Variants in SYT14 observed in about 807,000 individuals in gnomAD.
SYT14 encodes synaptotagmin 14, also known as synaptotagmin-14.
Under a neutral mutation model 74.2 loss-of-function variants are expected in SYT14, and 32 were observed. That is an observed-to-expected ratio of 0.43 (90% CI 0.33 to 0.58). The LOEUF (loss-of-function observed/expected upper bound fraction) is 0.58. Ranked by LOEUF, SYT14 falls within the 20% of genes least tolerant of loss-of-function variation. SYT14 has a pLI of 0.05. For synonymous variants in SYT14, 298 were observed against 337.7 expected (o/e 0.88, Z 1.29); for missense variants, 791 against 981.8 (o/e 0.81, Z 2.60).
rs185416251 is a variant in SYT14 at position 209,970,055 on chromosome 1, A to G, written c.-486+17299A>G. Among the ~76,000 whole-genome samples the G allele has an allele frequency of 9.2e-5, 14 of 152,236 alleles. No individual in the cohort carries two copies. The East Asian group carries it at 1.2e-3, about 13-fold the overall frequency. On this transcript the variant is annotated intron_variant, in intron 2 of 9. Transcript: ENST00000637265. Reference sequence around the variant, plus strand: ...TTGATTACTTCTTTTACTGTGCAGAAGCTTTTTAGTTGATGTAGTCCCATT... The same window carrying G: ...TTGATTACTTCTTTTACTGTGCAGAGGCTTTTTAGTTGATGTAGTCCCATT...
At chr1:210,022,196 C>T (rs2080317261) in intron 5 of SYT14, among the ~76,000 whole-genome samples, 1 of 151,956 alleles carries the variant, frequency 6.6e-6, no homozygotes, top group South Asian at 2.1e-4. Flanking sequence ...AAGTTTTATC[C>T]CAGCATGTAC....
intron 1 of SYT14, among the ~76,000 whole-genome samples, chr1:209,943,212 T>C (rs2078765322): frequency 6.6e-6 from 1 of 152,222 alleles, no homozygotes; most frequent in South Asian, 2.1e-4. Context: ...CACAGTGGTA[T>C]TTTATTTTTT....
At chr1:210,044,038 A>G (rs988688213) in intron 5 of SYT14, among the ~76,000 whole-genome samples, 10 of 152,240 alleles carry the variant, frequency 6.6e-5, no homozygotes, top group African/African-American at 2.2e-4. Context: ...TTCTTTAGGA[A>G]CTATCTTTTA....
chr1:209,942,663 C>T (rs2078754783), intron 1 of SYT14, among the ~76,000 whole-genome samples: 1 of 152,136 alleles, frequency 6.6e-6, no homozygotes, highest in Non-Finnish European at 1.5e-5. Flanking sequence ...CTTCATATTG[C>T]AAAATGCAAA....
At chr1:210,063,619 G>T (rs2081244898) in intron 5 of SYT14, among the ~76,000 whole-genome samples, 1 of 151,634 alleles carries the variant, frequency 6.6e-6, no homozygotes. Context: ...GTTTTTTGAT[G>T]CCCTTCCTTT....
chr1:209,983,076 T>G (rs2079515610), intron 2 of SYT14, among the ~76,000 whole-genome samples: 1 of 152,144 alleles, frequency 6.6e-6, no homozygotes, highest in Non-Finnish European at 1.5e-5. Flanking sequence ...TTAAGAGTTC[T>G]TTATATATTT....
intron 7 of SYT14, among the ~76,000 whole-genome samples, chr1:210,150,961 A>G (rs904509891): frequency 9.9e-5 from 15 of 152,216 alleles, no homozygotes; most frequent in African/African-American, 3.1e-4. Context: ...AGTAAATGTA[A>G]TGGCCACCTT....
At chr1:210,047,358 T>C (rs2080905029) in intron 5 of SYT14, among the ~76,000 whole-genome samples, 1 of 152,048 alleles carries the variant, frequency 6.6e-6, no homozygotes, top group African/African-American at 2.4e-5. Context: ...TTTTTCATTA[T>C]TTATCCTTTT....
intron 5 of SYT14, among the ~76,000 whole-genome samples, chr1:210,085,615 C>T (rs2081711425): frequency 1.3e-5 from 2 of 152,114 alleles, no homozygotes; most frequent in Non-Finnish European, 2.9e-5. Flanking sequence ...TTTAGTAAGT[C>T]TTTTACAATT....
intron 2 of SYT14, among the ~76,000 whole-genome samples, chr1:210,002,619 CA>C (rs2079921520): frequency 6.6e-6 from 1 of 151,928 alleles, no homozygotes; most frequent in Non-Finnish European, 1.5e-5. Context: ...CTTCATATTA[CA>C]AGATCTAAAT....
rs559168128 is a variant in SYT14, at chr1:209,976,890, T to C, written c.-486+24134T>C. Among the ~76,000 whole-genome samples, 6 of 152,306 alleles carry C rather than the reference T, an allele frequency of 3.9e-5. No homozygotes were observed. In the South Asian group the frequency reaches 1.2e-3, roughly 32 times the overall value. ...CTTGCTTTATGAATCTGGGTGCTCC[T>C]GTATTGGGTGCATATATATTTAGGA... On this transcript the variant is annotated intron_variant, in intron 2 of 9. Coordinates refer to ENST00000637265, the Ensembl canonical transcript of SYT14.
intron 5 of SYT14, among the ~76,000 whole-genome samples, chr1:210,025,986 G>A (rs745332873): frequency 6.6e-6 from 1 of 152,000 alleles, no homozygotes; most frequent in Non-Finnish European, 1.5e-5. Flanking sequence ...TTTAGAGCAG[G>A]TTATATGTTA....
At chr1:209,973,699 G>T (rs2102763383) in intron 2 of SYT14, among the ~76,000 whole-genome samples, 1 of 152,300 alleles carries the variant, frequency 6.6e-6, no homozygotes, top group African/African-American at 2.4e-5. Context: ...ATAGCAGCAT[G>T]ATTTATAATC....
chr1:210,119,637 T>C (rs1212584621), intron 7 of SYT14, among the ~76,000 whole-genome samples: 2 of 152,194 alleles, frequency 1.3e-5, no homozygotes, highest in Non-Finnish European at 2.9e-5. Context: ...TGAGCCAGTA[T>C]ATAAATTTCC....
intron 5 of SYT14, among the ~76,000 whole-genome samples, chr1:210,032,654 T>TA (rs34354853): frequency 0.46 from 67,073 of 145,308 alleles, 15,503 homozygotes; most frequent in East Asian, 0.57. Flanking sequence ...TAGTACCCAG[T>TA]AAAAAAAAAA....
chr1:210,151,508 C>G (rs113554409), intron 7 of SYT14, among the ~76,000 whole-genome samples: 1 of 135,036 alleles, frequency 7.4e-6, no homozygotes, highest in African/African-American at 3.3e-5. Context: ...GCGAATGCCC[C>G]CCCCCTTTTT....
rs536507960 is a variant in SYT14, at chr1:210,021,281, A to G, written c.1312+27A>G. The G allele has an allele frequency of 2.2e-5, 34 of 1,572,302 alleles. 1 individual carries two copies. In the South Asian group the frequency reaches 2.6e-4, roughly 12 times the overall value. On this transcript the variant is annotated intron_variant, in intron 5 of 9. Coordinates refer to ENST00000637265, the Ensembl canonical transcript of SYT14. The stretch of plus-strand genomic sequence containing the variant: ...TAAGATGGGCTGTTTTATTTTTTTT[A>G]CATGACACACTATAGTATTTGATTA...
chr1:209,950,851 A>G (rs2078899963), intron 1 of SYT14, among the ~76,000 whole-genome samples: 1 of 152,162 alleles, frequency 6.6e-6, no homozygotes. Flanking sequence ...CATTATGGAA[A>G]GTTTAAAAGT....
intron 5 of SYT14, among the ~76,000 whole-genome samples, chr1:210,074,919 C>A (rs936329979): frequency 2.6e-5 from 4 of 152,018 alleles, no homozygotes; most frequent in East Asian, 1.9e-4. Context: ...CTCAATTAGA[C>A]CCCTGCCTTA....
Sources: gnomAD v4.1 joint callset for allele counts (sites outside exome capture counted in the v4.1 genomes callset) on GRCh38, gnomAD v4.1.1 for gene constraint, MANE v1.5 for transcripts, NCBI Gene and HGNC (gene_info 2026-07-23, HGNC 2026-07-21) for gene names.